PSKH2: variants seen among roughly 807,000 people sequenced by gnomAD.
PSKH2 encodes protein serine kinase H2.
PSKH2 carries 16 observed loss-of-function variants against 22.5 expected under a neutral mutation model. The ratio of observed to expected loss-of-function variants is 0.71; its 90% CI spans 0.48 to 1.08. The LOEUF is 1.08. Ranked by LOEUF, PSKH2 falls within the 50% of genes least tolerant of loss-of-function variation. The pLI is 0.00. For synonymous variants in PSKH2, 188 were observed against 184.8 expected (o/e 1.02, Z -0.14); for missense variants, 516 against 492.8 (o/e 1.05, Z -0.44).
chr8:86,054,487 G>A (rs944312520), intron 2 of PSKH2, among the ~76,000 whole-genome samples: 2 of 152,012 alleles, frequency 1.3e-5, no homozygotes, highest in Non-Finnish European at 2.9e-5. Flanking sequence ...TAGTAGGCAT[G>A]GCAAAAATTA....
At chr8:86,066,680 CTT>C (rs143102041) in intron 1 of PSKH2, among the ~76,000 whole-genome samples, 2 of 149,152 alleles carry the variant, frequency 1.3e-5, no homozygotes, top group Non-Finnish European at 3.0e-5. Context: ...TTTCCTGTAA[CTT>C]TTTTTTTTGC....
intron 2 of PSKH2, among the ~76,000 whole-genome samples, chr8:86,061,131 T>C (rs1817771712): frequency 6.6e-6 from 1 of 152,032 alleles, no homozygotes. Context: ...TGCTGAGAAA[T>C]ATTAATATCT....
chr8:86,051,158 C>G, intron 2 of PSKH2, among the ~76,000 whole-genome samples: 1 of 152,030 alleles, frequency 6.6e-6, no homozygotes, highest in East Asian at 1.9e-4. Flanking sequence ...CTCCGCCTCC[C>G]GGGTTCAGGC....
chr8:86,059,177 G>A (rs1817744650), intron 2 of PSKH2, among the ~76,000 whole-genome samples: 2 of 152,154 alleles, frequency 1.3e-5, no homozygotes, highest in Non-Finnish European at 2.9e-5. Context: ...CTGAGCTCAA[G>A]CAATCCTCCT....
At chr8:86,049,747 A>AAAGG (rs1363102902) in intron 2 of PSKH2, among the ~76,000 whole-genome samples, 878 of 11,418 alleles carry the variant, frequency 0.077, 91 homozygotes, top group Middle Eastern at 0.15. Context: ...AGAAAGAAAG[A>AAAGG]AACGAAAGAA....
At chr8:86,057,846 C>A (rs1451943182) in intron 2 of PSKH2, among the ~76,000 whole-genome samples, 1 of 152,178 alleles carries the variant, frequency 6.6e-6, no homozygotes, top group Non-Finnish European at 1.5e-5. Context: ...TTTTCCTAAG[C>A]AATGATAGAT....
chr8:86,049,702 GAAAGAAAGAAAGAAAGAAAGAAAGAA>G (rs1412720780), intron 2 of PSKH2, among the ~76,000 whole-genome samples: 1,492 of 38,696 alleles, frequency 0.039, 88 homozygotes, highest in East Asian at 0.22. Context: ...AAGAAAGAAA[GAAAGAAAGAAAGAAAGAAAGAAAGAA>G]AGAAAGAAAG....
rs1334822240 is a variant in PSKH2, at chr8:86,064,121, C to G, written c.696G>C (p.Glu232Asp). The G allele has an allele frequency of 1.2e-6, 2 of 1,614,162 alleles. No homozygotes were observed. Among genetic ancestry groups the G allele is most frequent in the Non-Finnish European group, 1.7e-6 (2 of 1,180,036 alleles). ...TGGTATAAGGCTTCCTTAGCAAAACCTCAGGAGCTATGTACTCTGGGGTCC... is the reference window on the plus strand; with the variant it reads ...TGGTATAAGGCTTCCTTAGCAAAACGTCAGGAGCTATGTACTCTGGGGTCC... ...LCGTPEYIAP[E>D]VLLRKPYTSA... Residue 232 changes from glutamate to aspartate, a missense_variant, in exon 2 of 3, where the codon GAG becomes GAC. Glu to Asp is a conservative substitution (Grantham distance 45, BLOSUM62 2). Transcript: ENST00000276616.
At chr8:86,068,365 G>T (rs535688381) in intron 1 of PSKH2, among the ~76,000 whole-genome samples, 1 of 152,216 alleles carries the variant, frequency 6.6e-6, no homozygotes, top group South Asian at 2.1e-4. Flanking sequence ...TGATTTACTT[G>T]GTCAAAATGT....
intron 2 of PSKH2, among the ~76,000 whole-genome samples, chr8:86,063,355 C>A (rs1477411389): frequency 6.6e-6 from 1 of 152,180 alleles, no homozygotes; most frequent in Admixed American, 6.5e-5. Context: ...CACACACAAG[C>A]ATTGGCAACT....
upstream of PSKH2, chr8:86,069,746 G>C (rs950761565): frequency 3.4e-6 from 4 of 1,173,910 alleles, no homozygotes; most frequent in Admixed American, 3.3e-5. Context: ...CCCACTGGGG[G>C]GTCGTGGTCA....
Position 86,062,669 on chromosome 8 carries a change from G to A in PSKH2, c.852+1296C>T, listed in dbSNP as rs113110418. Among the ~76,000 whole-genome samples the A allele has an allele frequency of 3.6e-3, 542 of 152,230 alleles. 4 individuals are homozygous for A. The highest frequency in any genetic ancestry group is 0.013 in the African/African-American group (525 of 41,536). ...TTCCCCTTGGCCTTCTGTCATGATC[G>A]TAAATTTCCTGAGGCCTCCCCAGCC... On this transcript the variant is annotated intron_variant, in intron 2 of 2. Transcript: ENST00000276616.
intron 1 of PSKH2, among the ~76,000 whole-genome samples, chr8:86,065,578 A>T (rs1817843935): frequency 6.6e-6 from 1 of 152,188 alleles, no homozygotes; most frequent in Non-Finnish European, 1.5e-5. Context: ...TGTACCCCTG[A>T]ACTTAAAATA....
chr8:86,063,264 T>G (rs955277847), intron 2 of PSKH2, among the ~76,000 whole-genome samples: 1 of 152,214 alleles, frequency 6.6e-6, no homozygotes. Context: ...TATCAATGTT[T>G]TTCTTCATGA....
intron 2 of PSKH2, among the ~76,000 whole-genome samples, chr8:86,055,622 A>T (rs1053979544): frequency 6.6e-6 from 1 of 152,236 alleles, no homozygotes; most frequent in Admixed American, 6.5e-5. Flanking sequence ...CAGGAATTAC[A>T]GCTTAGCAGA....
intron 1 of PSKH2, 140 bp downstream of exon 1, chr8:86,069,297 GA>G: frequency 1.4e-6 from 1 of 693,020 alleles, no homozygotes. Context: ...AAAGGGCAGA[GA>G]AAGGGGGAGA....
In PSKH2 at chr8:86,047,252, A is replaced by G. The variant is rs1374842048; in HGVS notation, c.*1210T>C. Among the ~76,000 whole-genome samples, 1 of 152,150 alleles carries G rather than the reference A, an allele frequency of 6.6e-6. No individual in the cohort carries two copies. The highest frequency in any genetic ancestry group is 1.5e-5 in the Non-Finnish European group (1 of 68,014). On this transcript the variant is annotated 3_prime_UTR_variant, in exon 3 of 3. Coordinates refer to ENST00000276616, the MANE Select transcript of PSKH2 (RefSeq NM_033126.3). ...CCATTTTTCTATTATTTATCTAATG[A>G]ATTTGTAAGTGTCTTTCTATATTAA...
rs1355571252 is a variant in PSKH2, at chr8:86,048,498, T to A, written c.1122A>T (p.Leu374Phe). The A allele has an allele frequency of 1.2e-6, 2 of 1,614,026 alleles. No homozygotes were observed. The highest frequency in any genetic ancestry group is 1.7e-6 in the Non-Finnish European group (2 of 1,179,962). Residue 374 changes from leucine (L) to phenylalanine (F), a missense_variant, in exon 3 of 3, where the codon TTA (leucine) becomes TTT (phenylalanine). Leu to Phe is a conservative substitution (Grantham distance 22). Coordinates refer to ENST00000276616, the MANE Select transcript of PSKH2 (RefSeq NM_033126.3). ...KSRHMWSKRNLRIVESPLSAL... is the reference protein window; with the variant it reads ...KSRHMWSKRNFRIVESPLSAL... Reference sequence around the variant, plus strand: ...CAGACAGTGGCGATTCTACTATCCTTAAGTTTCTCTTGCTCCACATATGCC... The same window carrying A: ...CAGACAGTGGCGATTCTACTATCCTAAAGTTTCTCTTGCTCCACATATGCC...
At chr8:86,049,742 G>C (rs1817597484) in intron 2 of PSKH2, among the ~76,000 whole-genome samples, 2 of 24,986 alleles carry the variant, frequency 8.0e-5, no homozygotes, top group South Asian at 3.9e-3. Flanking sequence ...AAGAAAGAAA[G>C]AAAGAAACGA....
Sources: allele counts gnomAD v4.1 joint callset (sites outside exome capture counted in the v4.1 genomes callset), GRCh38; gene constraint gnomAD v4.1.1; transcripts MANE v1.5; gene names NCBI Gene and HGNC (gene_info 2026-07-23, HGNC 2026-07-21).